The following DSE variants were observed in gnomAD, a reference collection of about 807,000 sequenced individuals.
DSE encodes the protein dermatan-sulfate epimerase.
Under a neutral mutation model 84.4 loss-of-function variants are expected in DSE, and 36 were observed. The observed-to-expected ratio is 0.43, with a 90% CI of 0.33 to 0.56. DSE has a LOEUF of 0.56. Ranked by LOEUF, DSE falls within the 20% of genes least tolerant of loss-of-function variation. The pLI, the probability that DSE is intolerant of heterozygous loss-of-function variation, is 0.06. For synonymous variants in DSE, 410 were observed against 430.1 expected, an observed-to-expected ratio of 0.95 and a Z score of 0.58; for missense variants, 862 against 1,169.6, an observed-to-expected ratio of 0.74 and a Z score of 3.84.
intron 2 of DSE, among the ~76,000 whole-genome samples, chr6:116,325,638 T>C (rs1223773104): frequency 6.6e-6 from 1 of 152,200 alleles, no homozygotes; most frequent in East Asian, 1.9e-4. Context: ...TGCTGTGGAA[T>C]TGTCTTCTGC....
intron 2 of DSE, among the ~76,000 whole-genome samples, chr6:116,365,307 G>C (rs1210445165): frequency 6.6e-6 from 1 of 152,084 alleles, no homozygotes; most frequent in South Asian, 2.1e-4. Context: ...CCAGGCTGGA[G>C]TGCAGTGGTG....
intron 2 of DSE, among the ~76,000 whole-genome samples, chr6:116,270,617 A>T (rs1054759445): frequency 3.3e-5 from 5 of 151,816 alleles, no homozygotes; most frequent in African/African-American, 1.2e-4. Context: ...GATATAAAAA[A>T]TTACATTTTT....
chr6:116,388,442 A>G (rs964812487), intron 1 of DSE, among the ~76,000 whole-genome samples: 6 of 152,184 alleles, frequency 3.9e-5, no homozygotes, highest in Admixed American at 1.3e-4. Context: ...TGTTTGACCA[A>G]ATACTTGTGT....
chr6:116,444,267 T>G lies in DSE; in HGVS notation c.*6922T>G, dbSNP rs893612094. On this transcript the variant is annotated 3_prime_UTR_variant, in exon 6 of 6. Coordinates refer to ENST00000644252, the MANE Select transcript of DSE (RefSeq NM_013352.4). ...AATTGCAATAACAACTGAAAACTGA[T>G]TGCTATTACTGAACACTGCCCTTAG... The G allele has an allele frequency of 3.3e-5, 5 of 152,230 alleles. No homozygotes were observed. Among genetic ancestry groups the G allele is most frequent in the Admixed American group, 1.3e-4 (2 of 15,276 alleles). The allele number at this position is 152,230 out of a possible 1,614,324, so 9.4% of individuals were successfully genotyped here.
At chr6:116,269,393 CAA>C (rs1288516254) in intron 2 of DSE, among the ~76,000 whole-genome samples, 4 of 152,058 alleles carry the variant, frequency 2.6e-5, no homozygotes, top group Non-Finnish European at 1.5e-5. Context: ...ATTAAATAAA[CAA>C]TATTGTAGGC....
At chr6:116,280,097 T>C in intron 2 of DSE, 1 of 551,882 alleles carries the variant, frequency 1.8e-6, no homozygotes, top group Non-Finnish European at 3.4e-6. Flanking sequence ...TAAATAAATG[T>C]CGATTGTGCT....
chr6:116,382,037 CTGTGTGTGTG>C (rs58610779), intron 1 of DSE, among the ~76,000 whole-genome samples: 15 of 144,770 alleles, frequency 1.0e-4, no homozygotes, highest in Non-Finnish European at 1.4e-4. Flanking sequence ...ACATGGCATT[CTGTGTGTGTG>C]TGTGTGTGTG....
intron 2 of DSE, among the ~76,000 whole-genome samples, chr6:116,292,695 ATGTC>A (rs913140758): frequency 9.9e-5 from 15 of 151,646 alleles, no homozygotes; most frequent in African/African-American, 3.7e-4. Context: ...AACAAACTGA[ATGTC>A]AGTAAGTAGA....
intron 1 of DSE, among the ~76,000 whole-genome samples, chr6:116,385,403 G>A (rs760204479): frequency 2.0e-5 from 3 of 152,150 alleles, no homozygotes; most frequent in Non-Finnish European, 4.4e-5. Context: ...GGAGGCTGTC[G>A]CAGGCAAGAC....
At chr6:116,364,816 T>C (rs1347799820) in intron 2 of DSE, among the ~76,000 whole-genome samples, 3 of 151,782 alleles carry the variant, frequency 2.0e-5, no homozygotes, top group African/African-American at 7.3e-5. Context: ...TTCAAGTACC[T>C]GTTTAGTAAC....
chr6:116,307,454 G>A (rs1319542404), intron 2 of DSE, among the ~76,000 whole-genome samples: 1 of 152,190 alleles, frequency 6.6e-6, no homozygotes, highest in Non-Finnish European at 1.5e-5. Flanking sequence ...AATGCATTTG[G>A]TTGAAAACAT....
intron 2 of DSE, among the ~76,000 whole-genome samples, chr6:116,267,537 CATT>C (rs1257217853): frequency 2.0e-5 from 3 of 151,964 alleles, no homozygotes; most frequent in African/African-American, 7.2e-5. Context: ...AGCTAAGTGT[CATT>C]ATAAAAGACT....
intron 2 of DSE, chr6:116,288,475 G>C (rs1237398199): frequency 6.6e-6 from 1 of 152,046 alleles, no homozygotes; most frequent in Non-Finnish European, 1.5e-5. Context: ...AATGAGCCTT[G>C]ACTTATATTC....
rs1236669352 is a variant in DSE at position 116,444,364 on chromosome 6, G to A, written c.*7019G>A. ...AGGGCAGGGATTGTGTCTCTTGCTC[G>A]TTGTATATACATGGTTCTTACACAG... On this transcript the variant is annotated 3_prime_UTR_variant, in exon 6 of 6. Coordinates refer to ENST00000644252, the MANE Select transcript of DSE (RefSeq NM_013352.4). The A allele has an allele frequency of 2.0e-5, 3 of 152,100 alleles. No homozygotes were observed. Among genetic ancestry groups the A allele is most frequent in the South Asian group, 2.1e-4 (1 of 4,822 alleles). 9.4% of individuals were successfully genotyped at this position (152,100 alleles called of 1,614,324 possible). A position where few individuals can be genotyped will look rare whatever the true frequency, so the allele number is the denominator to read the frequency against.
rs534960941 is a variant in DSE, at chr6:116,288,986, T to C, written c.-54+30019T>C. ...GGGAGTATATAAGTAGAAGTACTTA[T>C]CCACTGGCTCACATAACATAAAAAG... On this transcript the variant is annotated intron_variant, in intron 2 of 3. Transcript: ENST00000430252. Among the ~76,000 whole-genome samples the C allele has an allele frequency of 4.6e-4, 70 of 152,160 alleles. 1 individual carries two copies. The East Asian group carries it at 0.012, about 26-fold the overall frequency.
intron 2 of DSE, among the ~76,000 whole-genome samples, chr6:116,421,796 G>A (rs948504355): frequency 1.3e-5 from 2 of 152,038 alleles, no homozygotes; most frequent in Non-Finnish European, 2.9e-5. Context: ...ATAGAAGGAA[G>A]GTGTTGTTTT....
At chr6:116,285,387 T>C (rs1773827043) in intron 2 of DSE, among the ~76,000 whole-genome samples, 1 of 152,222 alleles carries the variant, frequency 6.6e-6, no homozygotes, top group South Asian at 2.1e-4. Context: ...TTCTTGTAAA[T>C]TTGTTTAAGT....
intron 2 of DSE, among the ~76,000 whole-genome samples, chr6:116,346,907 G>A (rs1778012643): frequency 6.6e-6 from 1 of 152,168 alleles, no homozygotes; most frequent in Admixed American, 6.5e-5. Flanking sequence ...AAGCTGATAA[G>A]CAACTTCAGC....
chr6:116,402,296 G>A (rs1279645530), intron 2 of DSE, among the ~76,000 whole-genome samples: 1 of 152,172 alleles, frequency 6.6e-6, no homozygotes, highest in African/African-American at 2.4e-5. Context: ...GCACCCTAGT[G>A]TGGTAGAAAA....
Sources: gnomAD v4.1 joint callset for allele counts (sites outside exome capture counted in the v4.1 genomes callset) on GRCh38, gnomAD v4.1.1 for gene constraint, MANE v1.5 for transcripts, NCBI Gene and HGNC (gene_info 2026-07-23, HGNC 2026-07-21) for gene names.